ATP10B: variants seen among roughly 807,000 people sequenced by gnomAD.
The protein encoded by ATP10B is phospholipid-transporting ATPase VB.
A neutral mutation model predicts 141.2 loss-of-function variants in ATP10B; 122 were observed. The ratio of observed to expected loss-of-function variants is 0.86; its 90% CI spans 0.75 to 1.00. The LOEUF is 1.00. Ranked by LOEUF, ATP10B falls within the 50% of genes least tolerant of loss-of-function variation. The probability of loss-of-function intolerance (pLI) is 0.00; values close to 1 mark genes in which losing one functional copy is unlikely to be tolerated. For synonymous variants in ATP10B, 685 were observed against 692.0 expected, an observed-to-expected ratio of 0.99 and a Z score of 0.16; for missense variants, 1,876 against 1,825.3, an observed-to-expected ratio of 1.03 and a Z score of -0.51.
intron 6 of ATP10B, among the ~76,000 whole-genome samples, chr5:160,681,053 C>T (rs1360761910): frequency 6.6e-6 from 1 of 152,196 alleles, no homozygotes; most frequent in African/African-American, 2.4e-5. Context: ...ATCTAGGACG[C>T]TGATTGAACC....
chr5:160,740,925 G>A (rs1420229827), intron 2 of ATP10B, among the ~76,000 whole-genome samples: 1 of 152,080 alleles, frequency 6.6e-6, no homozygotes, highest in Non-Finnish European at 1.5e-5. Flanking sequence ...AATTAACTTG[G>A]CTCCCATCTC....
chr5:160,657,947 A>G (rs1039937472), intron 7 of ATP10B, among the ~76,000 whole-genome samples: 4 of 152,248 alleles, frequency 2.6e-5, no homozygotes, highest in Non-Finnish European at 5.9e-5. Context: ...GGAGTATTAC[A>G]CAGACAAACT....
At chr5:160,665,819 TCTGTGGTTAGTAAAAACC>T (rs1762286739) in intron 7 of ATP10B, among the ~76,000 whole-genome samples, 2 of 152,196 alleles carry the variant, frequency 1.3e-5, no homozygotes, top group African/African-American at 4.8e-5. Flanking sequence ...CCTAGTAATC[TCTGTGGTTAGTAAAAACC>T]CTTTTGGCAA....
At chr5:160,650,812 A>T (rs1303552871) in intron 7 of ATP10B, among the ~76,000 whole-genome samples, 2 of 152,226 alleles carry the variant, frequency 1.3e-5, no homozygotes, top group African/African-American at 2.4e-5. Flanking sequence ...AATAACTTCC[A>T]GGCCTTCTCC....
intron 1 of ATP10B, among the ~76,000 whole-genome samples, chr5:160,814,499 C>T (rs1426743349): frequency 6.7e-6 from 1 of 150,372 alleles, no homozygotes; most frequent in Admixed American, 6.7e-5. Context: ...AAGACCAAAT[C>T]TACGTCTGAT....
At chr5:160,812,052 GA>G (rs1287294570) in intron 1 of ATP10B, among the ~76,000 whole-genome samples, 15 of 150,668 alleles carry the variant, frequency 1.0e-4, no homozygotes, top group African/African-American at 2.5e-4. Context: ...GAGAGAGAGA[GA>G]GAGAGAGGGA....
At chr5:160,860,125 G>C in the ATP10B span, among the ~76,000 whole-genome samples, 1 of 151,780 alleles carries the variant, frequency 6.6e-6, no homozygotes, top group Non-Finnish European at 1.5e-5. Context: ...ATATTCAATT[G>C]TCTGCCCAGG....
chr5:160,750,478 A>G (rs1224078812), intron 2 of ATP10B, among the ~76,000 whole-genome samples: 1 of 152,098 alleles, frequency 6.6e-6, no homozygotes, highest in Non-Finnish European at 1.5e-5. Context: ...CATAATAACT[A>G]TTGTTGGTTC....
At chr5:160,858,520 T>C in the ATP10B span, among the ~76,000 whole-genome samples, 1 of 151,958 alleles carries the variant, frequency 6.6e-6, no homozygotes, top group Non-Finnish European at 1.5e-5. Flanking sequence ...CCAGTGGGTC[T>C]GTAACTGGAG....
chr5:160,646,712 G>A (rs1760297749), intron 8 of ATP10B, among the ~76,000 whole-genome samples: 1 of 152,110 alleles, frequency 6.6e-6, no homozygotes, highest in Non-Finnish European at 1.5e-5. Flanking sequence ...ATTTTAGGAT[G>A]TTCTGAAGTG....
At chr5:160,679,191 A>G (rs898263295) in intron 6 of ATP10B, among the ~76,000 whole-genome samples, 7 of 152,202 alleles carry the variant, frequency 4.6e-5, no homozygotes, top group African/African-American at 1.7e-4. Flanking sequence ...GAAAACAGAC[A>G]AAAGAAAACA....
chr5:160,779,624 C>T (rs1270068573), intron 2 of ATP10B, among the ~76,000 whole-genome samples: 1 of 152,186 alleles, frequency 6.6e-6, no homozygotes, highest in African/African-American at 2.4e-5. Flanking sequence ...GGTGGGCCTG[C>T]AGTCTTGGCT....
intron 24 of ATP10B, among the ~76,000 whole-genome samples, chr5:160,570,607 T>G (rs1201099764): frequency 1.3e-5 from 2 of 152,228 alleles, no homozygotes; most frequent in African/African-American, 4.8e-5. Context: ...TAATATGTTT[T>G]GCTGCTGTTT....
chr5:160,653,623 T>C lies in ATP10B; in HGVS notation c.676-4367A>G, dbSNP rs796095172. Among the ~76,000 whole-genome samples the C allele has an allele frequency of 2.9e-3, 144 of 49,870 alleles. 5 individuals are homozygous for C. The highest frequency in any genetic ancestry group is 6.5e-3 in the African/African-American group (91 of 14,100). The allele number at this position is 49,870 out of a possible 152,430, so 32.7% of individuals were successfully genotyped here. On this transcript the variant is annotated intron_variant, in intron 7 of 25. Transcript: ENST00000327245. ...CATATATACATATATACATATATAT[T>C]ATATATACATATATACATATATATT...
At chr5:160,797,246 A>G (rs1366139023) in intron 1 of ATP10B, among the ~76,000 whole-genome samples, 1 of 152,170 alleles carries the variant, frequency 6.6e-6, no homozygotes, top group Non-Finnish European at 1.5e-5. Context: ...TCCGGCCCAC[A>G]GATACAGCAA....
intron 1 of ATP10B, among the ~76,000 whole-genome samples, chr5:160,842,165 AC>A (rs1775848298): frequency 6.6e-6 from 1 of 152,210 alleles, no homozygotes; most frequent in Admixed American, 6.5e-5. Context: ...GAAATAAGTA[AC>A]CAAAGGATAA....
At chr5:160,694,517 G>T (rs751956794) in intron 3 of ATP10B, among the ~76,000 whole-genome samples, 10 of 152,136 alleles carry the variant, frequency 6.6e-5, no homozygotes, top group Non-Finnish European at 1.2e-4. Flanking sequence ...CTATATGGGG[G>T]ACCTTTAGCC....
chr5:160,816,371 C>G lies in ATP10B; in HGVS notation c.-575-30568G>C, dbSNP rs574881163. ...AACTACCATCAGAGAATACTAGAAA[C>G]ACCCCTATGCAAATACACTAGAAAA... On this transcript the variant is annotated intron_variant, in intron 1 of 25. Transcript: ENST00000327245. 6.8e-3 allele frequency among the ~76,000 whole-genome samples: 1,027 copies of G among 152,046 alleles called. 17 individuals are homozygous for G. The highest frequency in any genetic ancestry group is 0.023 in the African/African-American group (968 of 41,466).
the ATP10B span, among the ~76,000 whole-genome samples, chr5:160,884,771 T>C: frequency 1.3e-5 from 2 of 152,218 alleles, no homozygotes; most frequent in Non-Finnish European, 2.9e-5. Context: ...GTCATACATT[T>C]AAGCAAACAT....
Sources: allele counts gnomAD v4.1 joint callset (sites outside exome capture counted in the v4.1 genomes callset), GRCh38; gene constraint gnomAD v4.1.1; transcripts MANE v1.5; gene names NCBI Gene and HGNC (gene_info 2026-07-23, HGNC 2026-07-21).